The following SATB2 variants were observed in gnomAD, a reference collection of about 807,000 sequenced individuals.
The protein encoded by SATB2 is SATB homeobox 2, also known as DNA-binding protein SATB2.
A neutral mutation model predicts 73.4 loss-of-function variants in SATB2; 1 was observed. That is an observed-to-expected ratio of 0.01 (90% CI 0.00 to 0.06). The LOEUF (loss-of-function observed/expected upper bound fraction) is 0.06, where lower values mean the gene tolerates loss of function less well. Among genes scored for constraint, SATB2 ranks in the 10% least tolerant of loss-of-function variants. SATB2 has a pLI of 1.00. For missense variants in SATB2, 459 were observed against 945.8 expected, an observed-to-expected ratio of 0.49 and a Z score of 6.75; for synonymous variants, 397 against 367.0, an observed-to-expected ratio of 1.08 and a Z score of -0.93.
intron 3 of SATB2, 86 bp downstream of exon 3, chr2:199,433,252 G>A: frequency 2.2e-6 from 3 of 1,344,876 alleles, no homozygotes; most frequent in Non-Finnish European, 3.1e-6. Flanking sequence ...TTCAACCTTT[G>A]TTTGGAGAAC....
intron 3 of SATB2, among the ~76,000 whole-genome samples, chr2:199,392,073 G>A (rs1049153464): frequency 9.9e-5 from 15 of 152,080 alleles, no homozygotes; most frequent in African/African-American, 3.4e-4. Context: ...GAGCAGTCAC[G>A]GGCCTCATCC....
chr2:199,361,660 G>A (rs1689140951), intron 6 of SATB2, among the ~76,000 whole-genome samples: 2 of 151,744 alleles, frequency 1.3e-5, no homozygotes, highest in Non-Finnish European at 2.9e-5. Flanking sequence ...TACGTCAACT[G>A]GGCTTTCAAA....
chr2:199,439,594 A>G (rs1216401745), intron 2 of SATB2, among the ~76,000 whole-genome samples: 1 of 152,232 alleles, frequency 6.6e-6, no homozygotes, highest in East Asian at 1.9e-4. Flanking sequence ...TCAAGAGGAC[A>G]GAGAGAAAAA....
rs1206670374 is a variant in SATB2, at chr2:199,396,483, A to G, written c.347-14663T>C. On this transcript the variant is annotated intron_variant, in intron 3 of 10. Transcript: ENST00000417098. Reference sequence around the variant, plus strand: ...TACAGATGTGTTTACAAAAATGAGAATAACATTTTGCATTTGGAATGTAGA... The same window carrying G: ...TACAGATGTGTTTACAAAAATGAGAGTAACATTTTGCATTTGGAATGTAGA... 7.2e-5 allele frequency: 11 copies of G among 152,324 alleles called. No individual in the cohort carries two copies. In the East Asian group the frequency reaches 2.1e-3, roughly 29 times the overall value. 9.4% of individuals were successfully genotyped at this position (152,324 alleles called of 1,614,324 possible). A position where few individuals can be genotyped will look rare whatever the true frequency, so the allele number is the denominator to read the frequency against.
intron 3 of SATB2, among the ~76,000 whole-genome samples, chr2:199,409,135 G>A (rs1248575605): frequency 1.3e-5 from 2 of 150,334 alleles, no homozygotes; most frequent in Admixed American, 1.3e-4. Flanking sequence ...TTTAGATCAT[G>A]TGCAAAGCTC....
At chr2:199,452,650 G>A (rs966113850) in intron 2 of SATB2, among the ~76,000 whole-genome samples, 3 of 152,122 alleles carry the variant, frequency 2.0e-5, no homozygotes, top group African/African-American at 7.2e-5. Context: ...GCTGAGAGGG[G>A]ACGCCAATTC....
intron 3 of SATB2, among the ~76,000 whole-genome samples, chr2:199,412,748 A>C (rs1690860301): frequency 6.6e-6 from 1 of 152,204 alleles, no homozygotes; most frequent in Non-Finnish European, 1.5e-5. Flanking sequence ...ACAAAAAACA[A>C]ACAAACAAAA....
intron 6 of SATB2, among the ~76,000 whole-genome samples, chr2:199,356,244 AAAAG>A (rs1553491658): frequency 1.3e-5 from 2 of 151,438 alleles, no homozygotes; most frequent in South Asian, 2.1e-4. Flanking sequence ...AAAAAAAAAA[AAAAG>A]AAAGAAAGAA....
chr2:199,311,505 G>T (rs1372334468), intron 9 of SATB2, among the ~76,000 whole-genome samples: 1 of 152,108 alleles, frequency 6.6e-6, no homozygotes, highest in Non-Finnish European at 1.5e-5. Context: ...ATAACCTACA[G>T]AGCAGAAAGA....
chr2:199,365,718 T>C (rs1223950442), intron 6 of SATB2, among the ~76,000 whole-genome samples: 1 of 152,176 alleles, frequency 6.6e-6, no homozygotes, highest in Non-Finnish European at 1.5e-5. Context: ...TTTTTAATGA[T>C]ATCAAATTAT....
chr2:199,294,500 A>G (rs960509978), intron 10 of SATB2, among the ~76,000 whole-genome samples: 1 of 152,140 alleles, frequency 6.6e-6, no homozygotes, highest in Non-Finnish European at 1.5e-5. Flanking sequence ...ATGTTAACTT[A>G]CTAGGCATGC....
chr2:199,382,549 A>G (rs1173267946), intron 3 of SATB2, among the ~76,000 whole-genome samples: 1 of 152,216 alleles, frequency 6.6e-6, no homozygotes, highest in Non-Finnish European at 1.5e-5. Context: ...ATCCTTTTTA[A>G]GCTTGGGCTA....
chr2:199,355,915 G>A (rs1688968044), intron 6 of SATB2, among the ~76,000 whole-genome samples: 1 of 152,078 alleles, frequency 6.6e-6, no homozygotes, highest in Non-Finnish European at 1.5e-5. Context: ...CTGCAAAAAA[G>A]ATAGATAATA....
At chr2:199,379,774 G>A (rs1172744062) in intron 5 of SATB2, among the ~76,000 whole-genome samples, 2 of 147,296 alleles carry the variant, frequency 1.4e-5, no homozygotes, top group Admixed American at 6.9e-5. Flanking sequence ...GGAATCCTCT[G>A]GCCTCGGCCT....
chr2:199,431,555 G>C (rs1462886391), intron 3 of SATB2, among the ~76,000 whole-genome samples: 1 of 152,148 alleles, frequency 6.6e-6, no homozygotes, highest in Non-Finnish European at 1.5e-5. Context: ...CAAAAACTTT[G>C]AGGACGCAAA....
intron 3 of SATB2, among the ~76,000 whole-genome samples, chr2:199,399,229 G>A (rs1690395361): frequency 6.6e-6 from 1 of 152,182 alleles, no homozygotes; most frequent in Admixed American, 6.5e-5. Flanking sequence ...CCAAGATCCT[G>A]CCACTGCACT....
intron 10 of SATB2, among the ~76,000 whole-genome samples, chr2:199,289,157 T>G (rs1329210476): frequency 6.6e-6 from 1 of 152,190 alleles, no homozygotes; most frequent in Non-Finnish European, 1.5e-5. Flanking sequence ...ATTATGGGAA[T>G]ATTGGTTTTG....
intron 10 of SATB2, among the ~76,000 whole-genome samples, chr2:199,279,261 A>G (rs1387338207): frequency 6.6e-6 from 1 of 152,242 alleles, no homozygotes; most frequent in Non-Finnish European, 1.5e-5. Flanking sequence ...CTCTGCTTTC[A>G]AAATTTGAAA....
intron 5 of SATB2, 130 bp downstream of exon 5, chr2:199,380,234 C>T (rs1216126384): frequency 8.4e-7 from 1 of 1,183,602 alleles, no homozygotes; most frequent in African/African-American, 1.5e-5. Context: ...TAATCTTTTA[C>T]ACCTCAAATG....
Sources: gnomAD v4.1 joint callset for allele counts (sites outside exome capture counted in the v4.1 genomes callset) on GRCh38, gnomAD v4.1.1 for gene constraint, MANE v1.5 for transcripts, NCBI Gene and HGNC (gene_info 2026-07-23, HGNC 2026-07-21) for gene names.